The following USP49 variants were observed in gnomAD, a reference collection of about 807,000 sequenced individuals.
USP49 encodes ubiquitin specific peptidase 49.
A neutral mutation model predicts 58.6 loss-of-function variants in USP49; 24 were observed. That is an observed-to-expected ratio of 0.41 (90% CI 0.30 to 0.58). The LOEUF (loss-of-function observed/expected upper bound fraction) is 0.58, where lower values mean the gene tolerates loss of function less well. Among genes scored for constraint, USP49 ranks in the 20% least tolerant of loss-of-function variants. The pLI is 0.30. For missense variants in USP49, 703 were observed against 866.1 expected (o/e 0.81, Z 2.36); for synonymous variants, 408 against 365.1 (o/e 1.12, Z -1.34).
chr6:41,889,723 T>G (rs1438061249), intron 2 of USP49, among the ~76,000 whole-genome samples: 1 of 152,222 alleles, frequency 6.6e-6, no homozygotes, highest in African/African-American at 2.4e-5. Flanking sequence ...AGTATTTGAC[T>G]AAAATTAAAC....
intron 5 of USP49, among the ~76,000 whole-genome samples, chr6:41,802,025 GT>G (rs79214450): frequency 0.039 from 5,499 of 142,636 alleles, 103 homozygotes; most frequent in Non-Finnish European, 0.046. Context: ...AGGAATCACT[GT>G]TTTTTTTTTT....
chr6:41,879,975 A>G (rs1774574847), intron 2 of USP49, among the ~76,000 whole-genome samples: 1 of 152,208 alleles, frequency 6.6e-6, no homozygotes, highest in Non-Finnish European at 1.5e-5. Flanking sequence ...CCAAAGCTAT[A>G]CTTTTAAGGA....
rs1197938833 is a variant in USP49 at position 41,798,828 on chromosome 6, A to G, written c.1772T>C (p.Leu591Pro). The change falls in exon 7 of 8, where the codon CTT becomes CCT. Residue 591 changes from leucine to proline, a missense_variant. Around this residue, in one of 6 missense-constraint regions of USP49, gnomAD observed 158 missense variants for 241.2 expected, o/e 0.66. Transcript: ENST00000682992. ...PYCCRDMLSS[L>P]DKETFAYDLS... is the part of the protein sequence containing the mutation. The stretch of plus-strand genomic sequence containing the variant: ...ATCATAGGCAAAGGTCTCTTTGTCA[A>G]GAGAGGAGAGCATGTCCCTGCAGCA... The G allele has an allele frequency of 6.2e-7, 1 of 1,614,094 alleles. No individual in the cohort carries two copies. Among genetic ancestry groups the G allele is most frequent in the African/African-American group, 1.3e-5 (1 of 75,024 alleles).
intron 3 of USP49, among the ~76,000 whole-genome samples, chr6:41,843,769 TG>T (rs1773870508): frequency 6.6e-6 from 1 of 150,814 alleles, no homozygotes; most frequent in Non-Finnish European, 1.5e-5. Flanking sequence ...ATCGGCCGGG[TG>T]TGGTGGCTCA....
intron 2 of USP49, among the ~76,000 whole-genome samples, chr6:41,872,191 A>G (rs1375571339): frequency 6.6e-6 from 1 of 152,250 alleles, no homozygotes. Flanking sequence ...GACAAATTAT[A>G]TGTATAAGCA....
At chr6:41,815,420 C>CAA (rs768878126) in intron 3 of USP49, among the ~76,000 whole-genome samples, 2 of 113,606 alleles carry the variant, frequency 1.8e-5, no homozygotes, top group African/African-American at 3.3e-5. Flanking sequence ...GACTCCGTCT[C>CAA]AAAAAAAAAA....
chr6:41,873,375 A>G (rs747706708), intron 2 of USP49, among the ~76,000 whole-genome samples: 1 of 152,208 alleles, frequency 6.6e-6, no homozygotes, highest in South Asian at 2.1e-4. Flanking sequence ...TGGGTGCACT[A>G]TGGTGCAAAT....
In USP49 at chr6:41,796,118, C is replaced by G. The variant is rs1772881062; in HGVS notation, c.*415G>C. ...AGCCCAGGGCCCCTCCTCACGTGCT[C>G]TGTCCAGGACTGCTCACATCCGGAG... On this transcript the variant is annotated 3_prime_UTR_variant, in exon 8 of 8. Coordinates refer to ENST00000682992, the MANE Select transcript of USP49 (RefSeq NM_001286554.2). 6.4e-6 allele frequency: 1 copy of G among 155,926 alleles called. No homozygotes were observed. Among genetic ancestry groups the G allele is most frequent in the Non-Finnish European group, 1.4e-5 (1 of 70,440 alleles). 9.7% of individuals were successfully genotyped at this position (155,926 alleles called of 1,614,324 possible). A position where few individuals can be genotyped will look rare whatever the true frequency, so the allele number is the denominator to read the frequency against.
chr6:41,834,449 T>C (rs752303165), intron 3 of USP49, among the ~76,000 whole-genome samples: 23 of 152,162 alleles, frequency 1.5e-4, no homozygotes, highest in Non-Finnish European at 2.9e-4. Flanking sequence ...TCAGAGAGGG[T>C]AAATGATATG....
chr6:41,824,914 C>T (rs978530260), intron 3 of USP49, among the ~76,000 whole-genome samples: 24 of 152,158 alleles, frequency 1.6e-4, no homozygotes, highest in Admixed American at 1.5e-3. Context: ...ATTTCAAAGA[C>T]GTGGACTGTG....
intron 3 of USP49, among the ~76,000 whole-genome samples, chr6:41,836,137 T>C (rs919910748): frequency 3.3e-5 from 5 of 151,836 alleles, no homozygotes; most frequent in Non-Finnish European, 7.4e-5. Context: ...ATAGGTAGAG[T>C]AAGCTGGAAG....
chr6:41,840,619 G>A (rs1295953207), intron 3 of USP49, among the ~76,000 whole-genome samples: 1 of 152,034 alleles, frequency 6.6e-6, no homozygotes, highest in Non-Finnish European at 1.5e-5. Context: ...GGTTAGGCTT[G>A]ACTTAATCTG....
intron 3 of USP49, among the ~76,000 whole-genome samples, chr6:41,856,491 T>C (rs887796255): frequency 1.3e-5 from 2 of 152,138 alleles, no homozygotes; most frequent in East Asian, 3.8e-4. Flanking sequence ...GTGTTGTAAG[T>C]TGAACAAAGA....
intron 2 of USP49, among the ~76,000 whole-genome samples, chr6:41,878,552 G>C (rs1453573752): frequency 1.3e-5 from 2 of 152,108 alleles, no homozygotes; most frequent in African/African-American, 4.8e-5. Flanking sequence ...TACCAGAGTT[G>C]CTACTTCATC....
chr6:41,805,987 T>C lies in USP49; in HGVS notation c.997A>G (p.Asn333Asp), dbSNP rs746192854. 4 of 1,613,954 alleles carry C rather than the reference T, an allele frequency of 2.5e-6. No homozygotes were observed. The highest frequency in any genetic ancestry group is 3.4e-6 in the Non-Finnish European group (4 of 1,180,026). ...EACEREGFCW[N>D]GRASISRSLE... ...CTCCGACTAATGGAGGCCCTGCCGT[T>C]CCAGCAGAAGCCCTCCCGCTCGCAT... is the stretch of plus-strand genomic sequence containing the variant. The change falls in exon 4 of 8, where the codon AAC becomes GAC. Residue 333 changes from asparagine (N) to aspartate (D), a missense_variant. Transcript: ENST00000682992.
At chr6:41,849,040 T>C (rs190454049) in intron 3 of USP49, among the ~76,000 whole-genome samples, 161 of 152,136 alleles carry the variant, frequency 1.1e-3, no homozygotes, top group African/African-American at 3.5e-3. Flanking sequence ...TGACTGGAGT[T>C]AAAAAAGGAT....
At chr6:41,873,939 A>G (rs1774458469) in intron 2 of USP49, 1 of 152,246 alleles carries the variant, frequency 6.6e-6, no homozygotes, top group Non-Finnish European at 1.5e-5. Context: ...ACTGCAATAT[A>G]CTTTTAAATG....
Position 41,890,409 on chromosome 6 carries a change from T to C in USP49, c.-103+1385A>G, listed in dbSNP as rs1774792203. 2.0e-5 allele frequency among the ~76,000 whole-genome samples: 3 copies of C among 150,826 alleles called. No individual in the cohort carries two copies. The South Asian group carries it at 6.3e-4, about 31-fold the overall frequency. On this transcript the variant is annotated intron_variant, in intron 2 of 7. Transcript: ENST00000682992. The stretch of plus-strand genomic sequence containing the variant: ...AAAAAAAACGAGTGGATCAATTTAC[T>C]TAACCAATTAAAGTATTAGGAGGCC...
intron 3 of USP49, among the ~76,000 whole-genome samples, chr6:41,855,346 C>A (rs1774108253): frequency 6.6e-6 from 1 of 151,758 alleles, no homozygotes; most frequent in African/African-American, 2.4e-5. Context: ...GAAATCCCGT[C>A]TCTACTAAAA....
Sources: gnomAD v4.1 joint callset for allele counts (sites outside exome capture counted in the v4.1 genomes callset) on GRCh38, gnomAD v4.1.1 for gene constraint, gnomAD v4.1.1 regional missense constraint, MANE v1.5 for transcripts, NCBI Gene and HGNC (gene_info 2026-07-23, HGNC 2026-07-21) for gene names.